The following CDH3 variants were observed in gnomAD, a reference collection of about 807,000 sequenced individuals.
CDH3 encodes cadherin-3.
In CDH3, 54 loss-of-function variants were observed where a neutral mutation model predicts 82.0. The ratio of observed to expected loss-of-function variants is 0.66; its 90% CI spans 0.53 to 0.83. The LOEUF is 0.83. Ranked by LOEUF, CDH3 falls within the 40% of genes least tolerant of loss-of-function variation. CDH3 has a pLI of 0.00. For missense variants in CDH3, 1,054 were observed against 1,084.6 expected (o/e 0.97, Z 0.40); for synonymous variants, 446 against 437.9 (o/e 1.02, Z -0.23).
At chr16:68,685,472 A>G (rs1961385173) in intron 11 of CDH3, 122 bp downstream of exon 11, 2 of 1,029,970 alleles carry the variant, frequency 1.9e-6, no homozygotes, top group African/African-American at 1.6e-5. Flanking sequence ...TTGCAAACCA[A>G]TCCAGACGGT....
intron 2 of CDH3, among the ~76,000 whole-genome samples, chr16:68,664,688 C>A (rs777143192): frequency 6.6e-6 from 1 of 152,074 alleles, no homozygotes; most frequent in Admixed American, 6.6e-5. Flanking sequence ...GAGACAGGGT[C>A]TCTCTCTGTT....
chr16:68,707,554 T>G lies in CDH3; in HGVS notation c.99+11631T>G, dbSNP rs1054059490. Among the ~76,000 whole-genome samples the G allele has an allele frequency of 6.6e-6, 1 of 152,094 alleles. No individual in the cohort carries two copies. The highest frequency in any genetic ancestry group is 1.5e-5 in the Non-Finnish European group (1 of 67,986). On this transcript the variant is annotated intron_variant, in intron 1 of 2. Transcript: ENST00000569080. This position sits in a 1 kb window ranked among gnomAD's most constrained non-coding sequence, Gnocchi z 4.5. ...CCGGGGAGCCTGTCTGAGAGCGCCC[T>G]GTAGTCTGGTAGGGCGGTGGCTAAG...
At chr16:68,663,695 G>T (rs1960659720) in intron 2 of CDH3, among the ~76,000 whole-genome samples, 1 of 152,128 alleles carries the variant, frequency 6.6e-6, no homozygotes, top group Non-Finnish European at 1.5e-5. Context: ...GTCTTGGTGG[G>T]TGATAGTCTG....
chr16:68,685,391 G>T (rs1359338625), intron 11 of CDH3, 41 bp downstream of exon 11: 18 of 1,606,968 alleles, frequency 1.1e-5, no homozygotes, highest in Non-Finnish European at 1.3e-5. Context: ...GGCCACTTTT[G>T]GTTCTCAGGT....
At chr16:68,702,460 C>T (rs765567118), downstream of CDH3, among the ~76,000 whole-genome samples, 23 of 152,090 alleles carry the variant, frequency 1.5e-4, no homozygotes, top group Non-Finnish European at 3.4e-4. Context: ...ATGTGGGGTT[C>T]ACTCTTGGAT....
At chr16:68,690,269 C>A (rs953713092) in intron 12 of CDH3, among the ~76,000 whole-genome samples, 1 of 152,196 alleles carries the variant, frequency 6.6e-6, no homozygotes, top group East Asian at 1.9e-4. Flanking sequence ...AGCATCTGAT[C>A]GGATCTGCTC....
chr16:68,717,092 G>A (rs1962104104), intron 1 of CDH3, among the ~76,000 whole-genome samples: 1 of 151,994 alleles, frequency 6.6e-6, no homozygotes, highest in South Asian at 2.1e-4. Context: ...AGCTCAAAAT[G>A]TCAATTGTGA....
At chr16:68,696,192 G>C (rs995018344) in intron 15 of CDH3, 6 of 448,562 alleles carry the variant, frequency 1.3e-5, no homozygotes, top group Non-Finnish European at 2.1e-5. Context: ...AGGCTGAGAC[G>C]GGTGAATCAT....
At chr16:68,653,688 T>C (rs1277706385) in intron 2 of CDH3, among the ~76,000 whole-genome samples, 1 of 150,528 alleles carries the variant, frequency 6.6e-6, no homozygotes. Context: ...TTTTCTTTTC[T>C]TTCTTTTTTT....
At chr16:68,729,674 C>A (rs937776220), downstream of CDH3, among the ~76,000 whole-genome samples, 1 of 152,084 alleles carries the variant, frequency 6.6e-6, no homozygotes, top group Non-Finnish European at 1.5e-5. Context: ...CCTCTCTTGC[C>A]CGGCTGGAGT....
intron 2 of CDH3, among the ~76,000 whole-genome samples, chr16:68,660,076 G>A (rs1241774386): frequency 6.6e-6 from 1 of 151,834 alleles, no homozygotes; most frequent in African/African-American, 2.4e-5. Flanking sequence ...TCAAAATTGT[G>A]AAGTGTTTGG....
chr16:68,703,268 C>T (rs1470163556), downstream of CDH3, among the ~76,000 whole-genome samples: 2 of 152,110 alleles, frequency 1.3e-5, no homozygotes, highest in Admixed American at 1.3e-4. Context: ...GAGCTGGGGC[C>T]CCGAATTCCC....
chr16:68,678,633 C>T lies in CDH3; in HGVS notation c.523C>T (p.Arg175Trp), dbSNP rs752829567. Reference protein sequence around the residue: ...GWLLLNKPLDREEIAKYELFG... With the variant: ...GWLLLNKPLDWEEIAKYELFG... Reference sequence around the variant, plus strand: ...GTTGTTGTTGAATAAGCCACTGGACCGGGAGGAGATTGCCAAGTATGAGGC... The same window carrying T: ...GTTGTTGTTGAATAAGCCACTGGACTGGGAGGAGATTGCCAAGTATGAGGC... Residue 175 changes from arginine to tryptophan, a missense_variant, in exon 5 of 16, where the codon CGG becomes TGG. Arg to Trp is a moderately radical substitution (Grantham distance 101, BLOSUM62 -3). Coordinates refer to ENST00000264012, the MANE Select transcript of CDH3 (RefSeq NM_001793.6). 1.2e-5 allele frequency: 19 copies of T among 1,614,064 alleles called. No individual in the cohort carries two copies. Among genetic ancestry groups the T allele is most frequent in the Admixed American group, 6.7e-5 (4 of 59,998 alleles).
In CDH3 at chr16:68,663,395, TA is replaced by T. The variant is rs555906066; in HGVS notation, c.161-12988del. Among the ~76,000 whole-genome samples, 5 of 151,404 alleles carry T rather than the reference TA, an allele frequency of 3.3e-5. No homozygotes were observed. The East Asian group carries it at 9.8e-4, about 30-fold the overall frequency. On this transcript the variant is annotated intron_variant, in intron 2 of 15. Transcript: ENST00000264012. Reference sequence around the variant, plus strand: ...ACAGATGCCCGCCATGATGCCCGGCTAACTTTTTTTTTGTATTTTTAGTAGA... The same window carrying T: ...ACAGATGCCCGCCATGATGCCCGGCTACTTTTTTTTTGTATTTTTAGTAGA...
At chr16:68,652,929 T>C (rs1481556340) in intron 2 of CDH3, among the ~76,000 whole-genome samples, 2 of 152,236 alleles carry the variant, frequency 1.3e-5, no homozygotes, top group Non-Finnish European at 2.9e-5. Flanking sequence ...TCCACAATTC[T>C]GCTGTTGATG....
Position 68,678,548 on chromosome 16 carries a change from G to A in CDH3, c.438G>A (p.Thr146=), listed in dbSNP as rs1165294086. 5.6e-6 allele frequency: 9 copies of A among 1,614,114 alleles called. No homozygotes were observed. Among genetic ancestry groups the A allele is most frequent in the African/African-American group, 4.0e-5 (3 of 74,940 alleles). The change falls in exon 5 of 16, where the codon ACG becomes ACA. Residue 146 remains threonine (T), a synonymous_variant. Coordinates refer to ENST00000264012, the MANE Select transcript of CDH3 (RefSeq NM_001793.6). ...ACACCAAGATTTTCTACAGCATCAC[G>A]GGGCCGGGGGCAGACAGCCCCCCTG... The part of the protein sequence containing the change: ...DRDTKIFYSI[T]GPGADSPPEG...
rs1256022865 is a variant in CDH3 at position 68,678,237 on chromosome 16, C to T, written c.350C>T (p.Pro117Leu). 1.2e-6 allele frequency: 2 copies of T among 1,614,030 alleles called. No individual in the cohort carries two copies. Among genetic ancestry groups the T allele is most frequent in the African/African-American group, 2.7e-5 (2 of 74,906 alleles). ...RDWVVAPISV[P>L]ENGKGPFPQR... ...TGGGTGGTTGCTCCAATATCTGTCCCTGAAAATGGCAAGGGTCCCTTCCCC... is the reference window on the plus strand; with the variant it reads ...TGGGTGGTTGCTCCAATATCTGTCCTTGAAAATGGCAAGGGTCCCTTCCCC... The change falls in exon 4 of 16, where the codon CCT becomes CTT. Residue 117 changes from proline (P) to leucine (L), a missense_variant. By Grantham distance (98) the Pro-to-Leu change is moderately conservative (BLOSUM62 -3). Coordinates refer to ENST00000264012, the MANE Select transcript of CDH3 (RefSeq NM_001793.6).
chr16:68,723,050 CTTTT>C (rs61216517), intron 2 of CDH3, among the ~76,000 whole-genome samples: 1 of 145,534 alleles, frequency 6.9e-6, no homozygotes. Context: ...GCCTCTATTA[CTTTT>C]TTTTTTTTTT....
intron 3 of CDH3, among the ~76,000 whole-genome samples, chr16:68,677,274 C>T (rs531789521): frequency 1.3e-5 from 2 of 152,208 alleles, no homozygotes; most frequent in East Asian, 3.9e-4. Flanking sequence ...CTGTATTCTC[C>T]CTGACTTCAT....
Sources: allele counts gnomAD v4.1 joint callset (sites outside exome capture counted in the v4.1 genomes callset), GRCh38; gene constraint gnomAD v4.1.1; non-coding constraint Gnocchi (gnomAD v3.1); transcripts MANE v1.5; gene names NCBI Gene and HGNC (gene_info 2026-07-23, HGNC 2026-07-21).